The following CACNB2 variants were observed in gnomAD, a reference collection of about 807,000 sequenced individuals.
CACNB2 encodes voltage-dependent L-type calcium channel subunit beta-2.
In CACNB2, 42 loss-of-function variants were observed where a neutral mutation model predicts 73.3. That is an observed-to-expected ratio of 0.57 (90% confidence interval 0.45 to 0.74). The LOEUF (loss-of-function observed/expected upper bound fraction) is 0.74, where lower values mean the gene tolerates loss of function less well. Among genes scored for constraint, CACNB2 ranks in the 30% least tolerant of loss-of-function variants. The pLI, the probability that CACNB2 is intolerant of heterozygous loss-of-function variation, is 0.00. For missense variants in CACNB2, 940 were observed against 853.0 expected (o/e 1.10, Z -1.27); for synonymous variants, 348 against 310.3 (o/e 1.12, Z -1.28).
Position 18,268,380 on chromosome 10 carries a change from T to G in CACNB2, c.213+117405T>G, listed in dbSNP as rs183433890. 3.6e-3 allele frequency among the ~76,000 whole-genome samples: 550 copies of G among 152,284 alleles called. 6 individuals are homozygous for G. The highest frequency in any genetic ancestry group is 0.012 in the African/African-American group (494 of 41,550). Reference sequence around the variant, plus strand: ...AAATGTGTTTGACATAACAGGATTATCTGACAATAGGAATAAATAAATGGT... The same window carrying G: ...AAATGTGTTTGACATAACAGGATTAGCTGACAATAGGAATAAATAAATGGT... On this transcript the variant is annotated intron_variant, in intron 2 of 13. Transcript: ENST00000324631.
At position 18,456,519 on chromosome 10, in the gene CACNB2, C is replaced by G. The variant is rs544083669; in HGVS notation, c.334-41836C>G. ...GAGAATCCTATCACGAGAACAGCGC[C>G]AAGATATAGTGCTAAACCATTCATA... On this transcript the variant is annotated intron_variant, in intron 3 of 13. Transcript: ENST00000324631. Among the ~76,000 whole-genome samples, 33 of 152,212 alleles carry G rather than the reference C, an allele frequency of 2.2e-4. No homozygotes were observed. In the South Asian group the frequency reaches 6.8e-3, roughly 32 times the overall value.
At chr10:18,222,173 A>G (rs76056321) in intron 2 of CACNB2, among the ~76,000 whole-genome samples, 2,400 of 152,286 alleles carry the variant, frequency 0.016, 52 homozygotes, top group East Asian at 0.12. Flanking sequence ...TCTAGATTGA[A>G]ACAGCAGCCT....
At chr10:18,492,881 G>A (rs568491478) in intron 3 of CACNB2, among the ~76,000 whole-genome samples, 1 of 152,220 alleles carries the variant, frequency 6.6e-6, no homozygotes, top group Non-Finnish European at 1.5e-5. Flanking sequence ...GGTAAATACA[G>A]AGAAATATTT....
At chr10:18,432,833 A>G (rs1037856648) in intron 3 of CACNB2, among the ~76,000 whole-genome samples, 19 of 107,876 alleles carry the variant, frequency 1.8e-4, no homozygotes, top group African/African-American at 9.1e-4. Flanking sequence ...GCCCTGTCTA[A>G]AAAAACAAAC....
rs4748477 is a variant in CACNB2, at chr10:18,509,390, T to C, written c.670+2843T>C. On this transcript the variant is annotated intron_variant, in intron 6 of 13. Transcript: ENST00000324631. Reference sequence around the variant, plus strand: ...AATTTCCCACTTGACATCTGGGCATTGGTGTCATAGCCAGTTGCAGAATAC... The same window carrying C: ...AATTTCCCACTTGACATCTGGGCATCGGTGTCATAGCCAGTTGCAGAATAC... 0.42 allele frequency among the ~76,000 whole-genome samples: 64,072 copies of C among 152,090 alleles called. 13,869 individuals are homozygous for C. The highest frequency in any genetic ancestry group is 0.62 in the East Asian group (3,190 of 5,176).
At chr10:18,410,756 T>G (rs1589271825) in intron 3 of CACNB2, among the ~76,000 whole-genome samples, 1 of 151,906 alleles carries the variant, frequency 6.6e-6, no homozygotes, top group African/African-American at 2.4e-5. Flanking sequence ...CCAAGGCAGG[T>G]GGATCACAAG....
chr10:18,518,099 T>C (rs1298909481), intron 7 of CACNB2, among the ~76,000 whole-genome samples: 1 of 152,158 alleles, frequency 6.6e-6, no homozygotes, highest in Non-Finnish European at 1.5e-5. Flanking sequence ...AACGAATAGG[T>C]CTGTAGCATT....
chr10:18,541,505 T>A lies in CACNB2; in HGVS notation c.*1781T>A, dbSNP rs1589787654. On this transcript the variant is annotated 3_prime_UTR_variant, in exon 14 of 14. Transcript: ENST00000324631. ...AGTGCAAGTACCTGGCACTTGAAGTTTGTCCCAGGAAAATGCCTGTGTATA... is the reference window on the plus strand; with the variant it reads ...AGTGCAAGTACCTGGCACTTGAAGTATGTCCCAGGAAAATGCCTGTGTATA... 6.6e-6 allele frequency: 1 copy of A among 152,276 alleles called. No individual in the cohort carries two copies. The highest frequency in any genetic ancestry group is 1.9e-4 in the East Asian group (1 of 5,194). 9.4% of individuals were successfully genotyped at this position (152,276 alleles called of 1,614,324 possible).
chr10:18,383,014 G>A (rs1055872238), intron 2 of CACNB2, among the ~76,000 whole-genome samples: 1 of 152,200 alleles, frequency 6.6e-6, no homozygotes, highest in Non-Finnish European at 1.5e-5. Context: ...TGGCACGGGT[G>A]CTGTTTCACT....
At chr10:18,416,805 A>T (rs2044995451) in intron 3 of CACNB2, among the ~76,000 whole-genome samples, 5 of 152,150 alleles carry the variant, frequency 3.3e-5, no homozygotes, top group Admixed American at 3.3e-4. Context: ...CTTGGTCTTT[A>T]ACAAGTACTA....
intron 2 of CACNB2, among the ~76,000 whole-genome samples, chr10:18,334,800 A>G (rs2040937984): frequency 6.6e-6 from 1 of 152,128 alleles, no homozygotes; most frequent in South Asian, 2.1e-4. Context: ...GGAAATCAAC[A>G]TTTATTTGGC....
At chr10:18,425,459 G>A (rs747267071) in intron 3 of CACNB2, among the ~76,000 whole-genome samples, 1 of 152,098 alleles carries the variant, frequency 6.6e-6, no homozygotes, top group Non-Finnish European at 1.5e-5. Context: ...TTGAGCTGAG[G>A]AATTTCAAAC....
chr10:18,457,155 G>T (rs1029715650), intron 3 of CACNB2, among the ~76,000 whole-genome samples: 2 of 152,190 alleles, frequency 1.3e-5, no homozygotes, highest in African/African-American at 4.8e-5. Flanking sequence ...GCAGTGTGCA[G>T]TCATGGTTCA....
chr10:18,439,040 T>C (rs1029984738), intron 3 of CACNB2, among the ~76,000 whole-genome samples: 1 of 152,206 alleles, frequency 6.6e-6, no homozygotes, highest in African/African-American at 2.4e-5. Flanking sequence ...CGGTGTAGTA[T>C]TTAAGGCCAG....
At chr10:18,486,117 C>T (rs747392924) in intron 3 of CACNB2, among the ~76,000 whole-genome samples, 217 of 152,166 alleles carry the variant, frequency 1.4e-3, no homozygotes, top group Non-Finnish European at 2.4e-3. Flanking sequence ...ATGAAGAAAT[C>T]AATGCATAAA....
At chr10:18,524,825 G>C (rs908828692) in intron 9 of CACNB2, among the ~76,000 whole-genome samples, 8 of 147,586 alleles carry the variant, frequency 5.4e-5, no homozygotes, top group Non-Finnish European at 8.9e-5. Context: ...AGAAGTTTCA[G>C]ACCAGCCTGG....
intron 2 of CACNB2, among the ~76,000 whole-genome samples, chr10:18,183,819 A>G (rs1042350621): frequency 6.6e-6 from 1 of 152,192 alleles, no homozygotes; most frequent in Non-Finnish European, 1.5e-5. Flanking sequence ...GCCGAGTGGT[A>G]CAATGGTGTA....
chr10:18,499,383 C>T (rs970974149), intron 4 of CACNB2, among the ~76,000 whole-genome samples: 4 of 151,876 alleles, frequency 2.6e-5, no homozygotes, highest in African/African-American at 9.7e-5. Flanking sequence ...TTTGGGAGGC[C>T]AAGGTGGGCG....
intron 10 of CACNB2, among the ~76,000 whole-genome samples, chr10:18,528,681 C>G (rs895428100): frequency 1.6e-5 from 2 of 128,158 alleles, no homozygotes. Flanking sequence ...TCTCACCTAA[C>G]AACCCTTCGT....
Sources: allele counts gnomAD v4.1 joint callset (sites outside exome capture counted in the v4.1 genomes callset), GRCh38; gene constraint gnomAD v4.1.1; transcripts MANE v1.5; gene names NCBI Gene and HGNC (gene_info 2026-07-23, HGNC 2026-07-21).